The following DLC1 variants were observed in gnomAD, a reference collection of about 807,000 sequenced individuals.
The protein encoded by DLC1 is DLC1 Rho GTPase activating protein.
In DLC1, 54 loss-of-function variants were observed where a neutral mutation model predicts 140.3. The ratio of observed to expected loss-of-function variants is 0.38; its 90% CI spans 0.31 to 0.48. The LOEUF (loss-of-function observed/expected upper bound fraction) is 0.48, where lower values mean the gene tolerates loss of function less well. Ranked by LOEUF, DLC1 falls within the 20% of genes least tolerant of loss-of-function variation. The pLI, the probability that DLC1 is intolerant of heterozygous loss-of-function variation, is 0.96. For missense variants in DLC1, 2,536 were observed against 1,907.0 expected (o/e 1.33, Z -6.14); for synonymous variants, 986 against 728.1 (o/e 1.35, Z -5.70).
intron 5 of DLC1, among the ~76,000 whole-genome samples, chr8:13,218,598 C>T (rs1828325786): frequency 6.6e-6 from 1 of 151,506 alleles, no homozygotes; most frequent in Non-Finnish European, 1.5e-5. Flanking sequence ...ACTAGGACAG[C>T]TATCATAATT....
intron 5 of DLC1, among the ~76,000 whole-genome samples, chr8:13,181,982 G>A (rs1174688249): frequency 7.9e-5 from 12 of 151,940 alleles, no homozygotes; most frequent in Non-Finnish European, 1.5e-4. Context: ...ATTTCTCCAC[G>A]TCTTCTCCAG....
chr8:13,301,615 C>T (rs1305536524), intron 5 of DLC1, among the ~76,000 whole-genome samples: 1 of 152,162 alleles, frequency 6.6e-6, no homozygotes, highest in East Asian at 1.9e-4. Flanking sequence ...AGCAGATGTG[C>T]TTGAGGGTAT....
At chr8:13,110,411 A>C (rs1413176001) in intron 7 of DLC1, among the ~76,000 whole-genome samples, 2 of 152,160 alleles carry the variant, frequency 1.3e-5, no homozygotes, top group Non-Finnish European at 2.9e-5. Flanking sequence ...TATTCCTCTG[A>C]ACATGCTTAA....
At chr8:13,567,827 C>T (rs746547308) in intron 1 of DLC1, 3 of 1,551,830 alleles carry the variant, frequency 1.9e-6, no homozygotes. Flanking sequence ...TTTGAAAGAT[C>T]AGAGACAGAG....
chr8:13,298,847 TA>T (rs1191660798), intron 5 of DLC1, among the ~76,000 whole-genome samples: 1 of 152,192 alleles, frequency 6.6e-6, no homozygotes, highest in Non-Finnish European at 1.5e-5. Flanking sequence ...TCTGCACTTG[TA>T]CCCCCTGAAT....
rs368366226 is a variant in DLC1 at position 13,091,297 on chromosome 8, C to G, written c.3855+21G>C. Reference sequence around the variant, plus strand: ...ATTCACATTATCCTTAATAAAGGAGCCAAACTTCTCAATTCCTTACCTGGA... The same window carrying G: ...ATTCACATTATCCTTAATAAAGGAGGCAAACTTCTCAATTCCTTACCTGGA... On this transcript the variant is annotated intron_variant, in intron 14 of 17. Transcript: ENST00000276297. The G allele has an allele frequency of 3.1e-6, 5 of 1,612,406 alleles. No individual in the cohort carries two copies. In the African/African-American group the frequency reaches 5.3e-5, roughly 17 times the overall value.
chr8:13,359,509 G>A (rs147596582), intron 4 of DLC1, among the ~76,000 whole-genome samples: 1 of 152,210 alleles, frequency 6.6e-6, no homozygotes, highest in South Asian at 2.1e-4. Context: ...TATTGGAAGA[G>A]GTGGGGTTTA....
intron 2 of DLC1, among the ~76,000 whole-genome samples, chr8:13,425,680 C>G (rs1838542151): frequency 6.6e-6 from 1 of 151,514 alleles, no homozygotes; most frequent in Admixed American, 6.6e-5. Flanking sequence ...AAAAAAAAAT[C>G]ACATTATCAT....
At chr8:13,140,470 C>T (rs558018377) in intron 5 of DLC1, among the ~76,000 whole-genome samples, 1 of 151,382 alleles carries the variant, frequency 6.6e-6, no homozygotes, top group Non-Finnish European at 1.5e-5. Context: ...TGGGCTCAAG[C>T]GATTCGCCTG....
chr8:13,511,106 A>G (rs1342587375), intron 1 of DLC1, among the ~76,000 whole-genome samples: 1 of 152,190 alleles, frequency 6.6e-6, no homozygotes, highest in Non-Finnish European at 1.5e-5. Context: ...CTAATTGAGT[A>G]TCTAAACCTG....
chr8:13,351,775 C>T (rs976156408), intron 4 of DLC1, among the ~76,000 whole-genome samples: 1 of 152,180 alleles, frequency 6.6e-6, no homozygotes, highest in African/African-American at 2.4e-5. Context: ...TAATAATTCC[C>T]TGGATGTCTA....
At chr8:13,303,959 C>G (rs1832312852) in intron 5 of DLC1, among the ~76,000 whole-genome samples, 1 of 152,206 alleles carries the variant, frequency 6.6e-6, no homozygotes, top group East Asian at 1.9e-4. Flanking sequence ...TCCATTCCTT[C>G]TTTCCCCTCC....
At chr8:13,213,284 A>T (rs888727016) in intron 5 of DLC1, among the ~76,000 whole-genome samples, 1 of 152,220 alleles carries the variant, frequency 6.6e-6, no homozygotes, top group Admixed American at 6.5e-5. Flanking sequence ...AGAGGTGCAC[A>T]GTTGTGCATT....
intron 2 of DLC1, among the ~76,000 whole-genome samples, chr8:13,448,229 A>C (rs1475761108): frequency 6.6e-6 from 1 of 152,154 alleles, no homozygotes; most frequent in Admixed American, 6.5e-5. Flanking sequence ...TTACACTCAC[A>C]TGGAAAAAAG....
chr8:13,409,324 C>T (rs1342005871), intron 2 of DLC1, among the ~76,000 whole-genome samples: 4 of 151,982 alleles, frequency 2.6e-5, no homozygotes, highest in Non-Finnish European at 5.9e-5. Context: ...CTCAATTAAG[C>T]CATACTATGT....
intron 2 of DLC1, among the ~76,000 whole-genome samples, chr8:13,494,189 A>T (rs1355020510): frequency 6.6e-6 from 1 of 152,222 alleles, no homozygotes; most frequent in Non-Finnish European, 1.5e-5. Context: ...TATTTCTTTC[A>T]CAACGTGTCA....
At position 13,110,539 on chromosome 8, in the gene DLC1, C is replaced by G. The variant is rs1220024003; in HGVS notation, c.1502+203G>C. 5.3e-5 allele frequency among the ~76,000 whole-genome samples: 8 copies of G among 152,202 alleles called. No individual in the cohort carries two copies. The East Asian group carries it at 1.2e-3, about 22-fold the overall frequency. ...GCTATTGTGTGAGTACTTCCTAGGA[C>G]AGCGTGGATGCTATTTTAATGGCAA... On this transcript the variant is annotated intron_variant, in intron 7 of 17. Coordinates refer to ENST00000276297, the MANE Select transcript of DLC1 (RefSeq NM_182643.3).
At chr8:13,372,762 C>G (rs1301565964) in intron 4 of DLC1, among the ~76,000 whole-genome samples, 1 of 151,970 alleles carries the variant, frequency 6.6e-6, no homozygotes, top group East Asian at 1.9e-4. Context: ...TTCTTTAGCA[C>G]AAGAGTTTTA....
intron 1 of DLC1, among the ~76,000 whole-genome samples, chr8:13,507,926 ATAT>A (rs1802174942): frequency 6.6e-6 from 1 of 152,166 alleles, no homozygotes; most frequent in Non-Finnish European, 1.5e-5. Flanking sequence ...CAGCTGAAAA[ATAT>A]TATTTTATTG....
Sources: gnomAD v4.1 joint callset for allele counts (sites outside exome capture counted in the v4.1 genomes callset) on GRCh38, gnomAD v4.1.1 for gene constraint, MANE v1.5 for transcripts, NCBI Gene and HGNC (gene_info 2026-07-23, HGNC 2026-07-21) for gene names.